PRELID2: variants seen among roughly 807,000 people sequenced by gnomAD.
PRELID2 encodes PRELI domain containing 2.
PRELID2 carries 25 observed loss-of-function variants against 28.4 expected under a neutral mutation model. That is an observed-to-expected ratio of 0.88 (90% CI 0.64 to 1.23). The LOEUF (loss-of-function observed/expected upper bound fraction) is 1.23. PRELID2 is among the 50% of genes most tolerant of loss of function. PRELID2 has a pLI of 0.00. For synonymous variants in PRELID2, 76 were observed against 71.6 expected, an observed-to-expected ratio of 1.06 and a Z score of -0.31; for missense variants, 201 against 214.4, an observed-to-expected ratio of 0.94 and a Z score of 0.39.
intron 1 of PRELID2, among the ~76,000 whole-genome samples, chr5:145,603,008 C>T (rs1388795769): frequency 1.3e-5 from 2 of 151,974 alleles, no homozygotes; most frequent in Non-Finnish European, 2.9e-5. Flanking sequence ...GCCAAGACCG[C>T]GCCATTGCAC....
At chr5:145,701,018 C>A (rs1363486756) in intron 1 of PRELID2, among the ~76,000 whole-genome samples, 1 of 152,198 alleles carries the variant, frequency 6.6e-6, no homozygotes, top group Non-Finnish European at 1.5e-5. Context: ...ATGAGGACAG[C>A]AGATGGTCAA....
rs1383993378 is a variant in PRELID2, at chr5:145,811,116, A to AC, written c.368+6777_368+6778insG. Among the ~76,000 whole-genome samples the AC allele has an allele frequency of 2.6e-4, 22 of 85,772 alleles. 5 individuals are homozygous for AC. Among genetic ancestry groups the AC allele is most frequent in the African/African-American group, 8.9e-4 (19 of 21,336 alleles). 56.3% of individuals were successfully genotyped at this position (85,772 alleles called of 152,430 possible). ...AAAAAAAAAAAAAAAAAAAAAAAAA[A>AC]AAATTGTGCCAGGGAACCCCCCTTT... On this transcript the variant is annotated intron_variant, in intron 4 of 6. Transcript: ENST00000683046.
the PRELID2 span, among the ~76,000 whole-genome samples, chr5:145,430,511 G>A: frequency 6.6e-6 from 1 of 152,036 alleles, no homozygotes; most frequent in Non-Finnish European, 1.5e-5. Flanking sequence ...CCTGCTCTTC[G>A]TCACTTCTGC....
chr5:145,273,998 C>T, the PRELID2 span, among the ~76,000 whole-genome samples: 4 of 152,018 alleles, frequency 2.6e-5, no homozygotes, highest in East Asian at 1.9e-4. Flanking sequence ...GACAGGGGTG[C>T]GTGATGAGGA....
intron 1 of PRELID2, among the ~76,000 whole-genome samples, chr5:145,705,218 T>A (rs1040073625): frequency 2.0e-5 from 3 of 149,524 alleles, no homozygotes; most frequent in African/African-American, 7.4e-5. Context: ...TGAGATGGAG[T>A]CTTGCTCTGT....
At chr5:145,282,419 G>C in the PRELID2 span, among the ~76,000 whole-genome samples, 13 of 152,030 alleles carry the variant, frequency 8.6e-5, no homozygotes, top group Admixed American at 7.9e-4. Context: ...CTACATTTAA[G>C]ACATTAAATG....
chr5:145,376,181 C>T, the PRELID2 span, among the ~76,000 whole-genome samples: 6 of 152,190 alleles, frequency 3.9e-5, no homozygotes, highest in East Asian at 1.2e-3. Context: ...ATTCTCTTTA[C>T]GTGATGAATC....
At chr5:145,312,363 A>C in the PRELID2 span, among the ~76,000 whole-genome samples, 1 of 152,074 alleles carries the variant, frequency 6.6e-6, no homozygotes, top group African/African-American at 2.4e-5. Flanking sequence ...AAAACAAACA[A>C]AAAAATTTAC....
chr5:145,557,744 G>A (rs1322365377), intron 1 of PRELID2, among the ~76,000 whole-genome samples: 1 of 152,190 alleles, frequency 6.6e-6, no homozygotes, highest in African/African-American at 2.4e-5. Context: ...CAAGCTAAGT[G>A]TACCAGTTTT....
the PRELID2 span, among the ~76,000 whole-genome samples, chr5:145,372,720 T>C: frequency 2.6e-5 from 4 of 151,360 alleles, no homozygotes; most frequent in Admixed American, 2.7e-4. Flanking sequence ...TCCATCCTTT[T>C]ATTTTTAGCC....
Position 145,494,271 on chromosome 5 carries a change from A to C in PRELID2, n.71-20956T>G, listed in dbSNP as rs141096926. 2.6e-4 allele frequency among the ~76,000 whole-genome samples: 39 copies of C among 152,328 alleles called. No homozygotes were observed. In the East Asian group the frequency reaches 7.3e-3, roughly 29 times the overall value. On this transcript the variant is annotated intron_variant and non_coding_transcript_variant, in intron 1 of 2. Coordinates refer to the PRELID2 transcript ENST00000510259. ...TGCTATGCTGAAAAAGAATTAGTTC[A>C]TTTAAATATAAATATAACTTTGACC...
chr5:145,605,510 G>A (rs548687314), intron 1 of PRELID2, among the ~76,000 whole-genome samples: 27 of 151,784 alleles, frequency 1.8e-4, no homozygotes, highest in East Asian at 3.9e-4. Context: ...TCTGGACTCC[G>A]TATTCTGTTC....
At chr5:145,619,767 T>C (rs984319062) in intron 1 of PRELID2, among the ~76,000 whole-genome samples, 4 of 152,056 alleles carry the variant, frequency 2.6e-5, no homozygotes, top group African/African-American at 7.3e-5. Context: ...TTTTAAAAAA[T>C]AGGTAAAATA....
At chr5:145,343,262 CAT>C in the PRELID2 span, among the ~76,000 whole-genome samples, 21 of 151,894 alleles carry the variant, frequency 1.4e-4, no homozygotes, top group East Asian at 2.3e-3. Context: ...AGATAGGCCA[CAT>C]GTTATAGGCC....
At chr5:145,817,133 C>G (rs1170384804) in intron 4 of PRELID2, among the ~76,000 whole-genome samples, 1 of 147,030 alleles carries the variant, frequency 6.8e-6, no homozygotes, top group Non-Finnish European at 1.5e-5. Flanking sequence ...TGAGGCTGCA[C>G]CGAGCCATGA....
intron 4 of PRELID2, among the ~76,000 whole-genome samples, chr5:145,799,641 A>C (rs1000247377): frequency 1.3e-5 from 2 of 152,134 alleles, no homozygotes; most frequent in Non-Finnish European, 2.9e-5. Flanking sequence ...TGCCCAGTAC[A>C]TGGTATGGGG....
At position 145,761,514 on chromosome 5, in the gene PRELID2, G is replaced by T. The variant is rs377677853; in HGVS notation, c.*11-989C>A. On this transcript the variant is annotated intron_variant, in intron 6 of 6. Transcript: ENST00000683046. ...AAACTATAAACTTTAGGGGTAAGAC[G>T]TGATCAAACACTATATTTTGAAAGG... is the stretch of plus-strand genomic sequence containing the variant. 6.6e-5 allele frequency among the ~76,000 whole-genome samples: 10 copies of T among 152,254 alleles called. No homozygotes were observed. In the East Asian group the frequency reaches 1.9e-3, roughly 29 times the overall value.
chr5:145,662,211 C>T (rs1049532241), intron 1 of PRELID2, among the ~76,000 whole-genome samples: 1 of 151,940 alleles, frequency 6.6e-6, no homozygotes. Flanking sequence ...ATCAGCCATC[C>T]GTTCTTTGGC....
At chr5:145,726,658 T>C (rs1756176131) in intron 1 of PRELID2, among the ~76,000 whole-genome samples, 1 of 152,206 alleles carries the variant, frequency 6.6e-6, no homozygotes, top group Non-Finnish European at 1.5e-5. Flanking sequence ...TCTGGGAGAA[T>C]GGATAGGCAA....
Sources: allele counts gnomAD v4.1 joint callset (sites outside exome capture counted in the v4.1 genomes callset), GRCh38; gene constraint gnomAD v4.1.1; transcripts MANE v1.5; gene names NCBI Gene and HGNC (gene_info 2026-07-23, HGNC 2026-07-21).